HNMT: variants seen among roughly 807,000 people sequenced by gnomAD.
The protein encoded by HNMT is histamine N-methyltransferase.
In HNMT, 30 loss-of-function variants were observed where a neutral mutation model predicts 32.1. That is an observed-to-expected ratio of 0.93 (90% CI 0.70 to 1.27). The LOEUF is 1.27. Among genes scored for constraint, HNMT ranks in the 50% most tolerant of loss-of-function variants. HNMT has a pLI of 0.00. For missense variants in HNMT, 327 were observed against 346.0 expected (o/e 0.95, Z 0.43); for synonymous variants, 125 against 119.0 (o/e 1.05, Z -0.33).
Position 138,013,788 on chromosome 2 carries a change from G to A in HNMT, c.537G>A (p.Trp179Ter). The A allele has an allele frequency of 6.2e-7, 1 of 1,611,246 alleles. No homozygotes were observed. Among genetic ancestry groups the A allele is most frequent in the Non-Finnish European group, 8.5e-7 (1 of 1,178,084 alleles). The change falls in exon 6 of 6, where the codon TGG becomes TGA. Residue 179 changes from tryptophan (W) to a stop codon, truncating the protein, a stop_gained. Transcript: ENST00000280097. LOFTEE classifies it high-confidence loss of function. The part of the protein sequence containing the change: ...LIIVVSGSSG[W>*]DKLWKKYGSR... ...TTTATTGCACAGGAAGCAGTGGCTGGGACAAGCTGTGGAAAAAGTACGGAT... is the reference window on the plus strand; with the variant it reads ...TTTATTGCACAGGAAGCAGTGGCTGAGACAAGCTGTGGAAAAAGTACGGAT...
chr2:137,982,365 G>A (rs1252045100), intron 2 of HNMT, among the ~76,000 whole-genome samples: 1 of 152,134 alleles, frequency 6.6e-6, no homozygotes, highest in Non-Finnish European at 1.5e-5. Flanking sequence ...TTGAATGTAA[G>A]TGTGATGCAT....
intron 2 of HNMT, among the ~76,000 whole-genome samples, chr2:137,996,207 A>T (rs535394201): frequency 6.6e-6 from 1 of 152,238 alleles, no homozygotes; most frequent in Non-Finnish European, 1.5e-5. Context: ...AAGGTATTCA[A>T]ATAGGAAGAG....
chr2:137,982,002 C>T lies in HNMT; in HGVS notation c.190+11785C>T, dbSNP rs112061644. 1.3e-3 allele frequency among the ~76,000 whole-genome samples: 191 copies of T among 152,228 alleles called. 2 individuals carry two copies. The highest frequency in any genetic ancestry group is 2.2e-3 in the Non-Finnish European group (147 of 68,026). ...CCGAGTAGCTGAGATTACAGGCTCA[C>T]GCCACCACGCCCAGATAATTTTTGT... On this transcript the variant is annotated intron_variant, in intron 2 of 5. Transcript: ENST00000280097.
At chr2:137,983,661 C>A (rs1011202707) in intron 2 of HNMT, among the ~76,000 whole-genome samples, 4 of 152,120 alleles carry the variant, frequency 2.6e-5, no homozygotes, top group Admixed American at 2.0e-4. Flanking sequence ...CAACAAAAAA[C>A]AATAAATTTG....
intron 2 of HNMT, among the ~76,000 whole-genome samples, chr2:137,993,614 A>G (rs1680893109): frequency 6.6e-6 from 1 of 152,222 alleles, no homozygotes; most frequent in Non-Finnish European, 1.5e-5. Context: ...TCAGGATATT[A>G]TCCAGGAGAA....
At chr2:137,969,829 AT>A (rs1461042000) in intron 1 of HNMT, among the ~76,000 whole-genome samples, 1 of 152,152 alleles carries the variant, frequency 6.6e-6, no homozygotes, top group Admixed American at 6.5e-5. Flanking sequence ...CCTTTCCTTT[AT>A]CTACGATGAG....
At chr2:138,008,347 C>T (rs539516973) in intron 5 of HNMT, among the ~76,000 whole-genome samples, 2 of 152,096 alleles carry the variant, frequency 1.3e-5, no homozygotes, top group South Asian at 4.1e-4. Context: ...GCATAGTATT[C>T]CATAGTGTAT....
rs113806872 is a variant in HNMT, at chr2:137,964,474, T to C, written c.-18T>C. 6.2e-7 allele frequency: 1 copy of C among 1,612,050 alleles called. No individual in the cohort carries two copies. The highest frequency in any genetic ancestry group is 8.5e-7 in the Non-Finnish European group (1 of 1,178,712). On this transcript the variant is annotated 5_prime_UTR_variant, in exon 1 of 6. Coordinates refer to ENST00000280097, the MANE Select transcript of HNMT (RefSeq NM_006895.3). Reference sequence around the variant, plus strand: ...CTTAAACCTTGCTTCCTGCTCTGTCTTTCTCAGAAAACCAAATATGGCATC... The same window carrying C: ...CTTAAACCTTGCTTCCTGCTCTGTCCTTCTCAGAAAACCAAATATGGCATC...
In HNMT at chr2:137,982,487, A is replaced by T. The variant is rs115487401; in HGVS notation, c.190+12270A>T. The stretch of plus-strand genomic sequence containing the variant: ...GAATGGAAACATGGGAATTAATTCT[A>T]TATCTGTGGCAGATCTGAGGGACAC... On this transcript the variant is annotated intron_variant, in intron 2 of 5. Coordinates refer to ENST00000280097, the MANE Select transcript of HNMT (RefSeq NM_006895.3). Among the ~76,000 whole-genome samples, 1,087 of 152,330 alleles carry T rather than the reference A, an allele frequency of 7.1e-3. 11 individuals carry two copies. Among genetic ancestry groups the T allele is most frequent in the African/African-American group, 0.025 (1,019 of 41,582 alleles).
intron 2 of HNMT, among the ~76,000 whole-genome samples, chr2:137,984,275 G>A (rs1040868643): frequency 3.3e-5 from 5 of 152,142 alleles, no homozygotes; most frequent in African/African-American, 7.2e-5. Flanking sequence ...TATTTAATAC[G>A]AATAAGTATT....
In HNMT at chr2:137,966,416, C is replaced by T. The variant is rs147622811; in HGVS notation, c.137+1788C>T. 1.3e-3 allele frequency among the ~76,000 whole-genome samples: 194 copies of T among 152,196 alleles called. 1 individual carries two copies. Among genetic ancestry groups the T allele is most frequent in the African/African-American group, 4.3e-3 (180 of 41,538 alleles). Reference sequence around the variant, plus strand: ...ATGTTATTGTTCTATTTCTTCATTTCGCTGTATTAAAATAGCTAAGTAAGC... The same window carrying T: ...ATGTTATTGTTCTATTTCTTCATTTTGCTGTATTAAAATAGCTAAGTAAGC... On this transcript the variant is annotated intron_variant, in intron 1 of 5. Coordinates refer to ENST00000280097, the MANE Select transcript of HNMT (RefSeq NM_006895.3).
intron 2 of HNMT, among the ~76,000 whole-genome samples, chr2:137,979,713 A>G (rs1680427400): frequency 6.6e-6 from 1 of 152,148 alleles, no homozygotes; most frequent in Non-Finnish European, 1.5e-5. Context: ...AAAATAATTT[A>G]TATACATAAT....
At chr2:137,993,119 A>C (rs1680874717) in intron 2 of HNMT, among the ~76,000 whole-genome samples, 1 of 152,212 alleles carries the variant, frequency 6.6e-6, no homozygotes, top group African/African-American at 2.4e-5. Flanking sequence ...CAATGCTGAA[A>C]ACCCAAAAGG....
rs200784356 is a variant in HNMT, at chr2:137,967,058, G to C, written c.137+2430G>C. On this transcript the variant is annotated intron_variant, in intron 1 of 5. Transcript: ENST00000280097. ...AGAACTCTATACTGAAAATGGTTTT[G>C]TATAATAGATCTAAAGGTACTTTTC... 108 of 780,270 alleles carry C rather than the reference G, an allele frequency of 1.4e-4. No individual in the cohort carries two copies. In the African/African-American group the frequency reaches 1.7e-3, roughly 12 times the overall value. 48.3% of individuals were successfully genotyped at this position (780,270 alleles called of 1,614,324 possible).
chr2:138,011,249 A>G (rs1197137897), intron 5 of HNMT, among the ~76,000 whole-genome samples: 1 of 152,100 alleles, frequency 6.6e-6, no homozygotes, highest in Non-Finnish European at 1.5e-5. Flanking sequence ...CTCTTCAACC[A>G]CTGAAATGCT....
intron 2 of HNMT, among the ~76,000 whole-genome samples, chr2:137,976,014 C>T (rs1422358025): frequency 6.6e-6 from 1 of 152,158 alleles, no homozygotes; most frequent in African/African-American, 2.4e-5. Context: ...CGCCTGTAAT[C>T]CCAGTACTTT....
intron 2 of HNMT, among the ~76,000 whole-genome samples, chr2:137,998,089 T>C (rs1398003374): frequency 6.6e-6 from 1 of 152,036 alleles, no homozygotes. Flanking sequence ...GGTGCATGTA[T>C]ACCTATGTAA....
Position 138,014,466 on chromosome 2 carries a change from A to G in HNMT, c.*336A>G, listed in dbSNP as rs1376664038. Reference sequence around the variant, plus strand: ...AAATTTTCTAGAATACTAATAAAATACATACTATAGATTCTTTATTAGTGA... The same window carrying G: ...AAATTTTCTAGAATACTAATAAAATGCATACTATAGATTCTTTATTAGTGA... On this transcript the variant is annotated 3_prime_UTR_variant, in exon 6 of 6. Coordinates refer to ENST00000280097, the MANE Select transcript of HNMT (RefSeq NM_006895.3). 1 of 205,252 alleles carries G rather than the reference A, an allele frequency of 4.9e-6. No individual in the cohort carries two copies. The highest frequency in any genetic ancestry group is 5.2e-5 in the Admixed American group (1 of 19,306). The allele number at this position is 205,252 out of a possible 1,614,324, so 12.7% of individuals were successfully genotyped here.
intron 2 of HNMT, among the ~76,000 whole-genome samples, chr2:137,987,801 A>G (rs1458951107): frequency 6.6e-6 from 1 of 152,062 alleles, no homozygotes; most frequent in Non-Finnish European, 1.5e-5. Context: ...ACATCATATA[A>G]ATGAAGAAGA....
Sources: allele counts gnomAD v4.1 joint callset (sites outside exome capture counted in the v4.1 genomes callset), GRCh38; gene constraint gnomAD v4.1.1; transcripts MANE v1.5; gene names NCBI Gene and HGNC (gene_info 2026-07-23, HGNC 2026-07-21).